The following DPP10 variants were observed in gnomAD, a reference collection of about 807,000 sequenced individuals.
The protein encoded by DPP10 is dipeptidyl peptidase like 10.
Under a neutral mutation model 120.9 loss-of-function variants are expected in DPP10, and 33 were observed. The observed-to-expected ratio is 0.27, with a 90% CI of 0.21 to 0.37. The LOEUF (loss-of-function observed/expected upper bound fraction) is 0.37, where lower values mean the gene tolerates loss of function less well. Among genes scored for constraint, DPP10 ranks in the 10% least tolerant of loss-of-function variants. The pLI, the probability that DPP10 is intolerant of heterozygous loss-of-function variation, is 1.00. For missense variants in DPP10, 816 were observed against 942.8 expected, an observed-to-expected ratio of 0.87 and a Z score of 1.76; for synonymous variants, 337 against 326.1, an observed-to-expected ratio of 1.03 and a Z score of -0.36.
At chr2:114,536,566 C>T (rs935669632) in intron 1 of DPP10, among the ~76,000 whole-genome samples, 2 of 151,910 alleles carry the variant, frequency 1.3e-5, no homozygotes, top group African/African-American at 2.4e-5. Flanking sequence ...CTACCATGCC[C>T]AGCTAATTTT....
At chr2:114,862,755 A>G (rs972420346) in intron 1 of DPP10, among the ~76,000 whole-genome samples, 1 of 152,208 alleles carries the variant, frequency 6.6e-6, no homozygotes, top group African/African-American at 2.4e-5. Flanking sequence ...GAAGCAATGT[A>G]GTAGAAGCAG....
chr2:115,006,893 A>G (rs1292856500), intron 1 of DPP10, among the ~76,000 whole-genome samples: 2 of 152,056 alleles, frequency 1.3e-5, no homozygotes, highest in South Asian at 2.1e-4. Context: ...AGAACTCTCC[A>G]CCCCAAATCA....
intron 1 of DPP10, among the ~76,000 whole-genome samples, chr2:114,989,996 C>CT (rs1193361016): frequency 1.3e-5 from 2 of 152,096 alleles, no homozygotes; most frequent in African/African-American, 2.4e-5. Context: ...TGCCATATAT[C>CT]TTTTATTACA....
At chr2:115,585,455 T>C (rs888269370) in intron 5 of DPP10, among the ~76,000 whole-genome samples, 2 of 152,378 alleles carry the variant, frequency 1.3e-5, no homozygotes, top group African/African-American at 2.4e-5. Context: ...TTGTTGCTAA[T>C]TGCAGTACTT....
intron 1 of DPP10, among the ~76,000 whole-genome samples, chr2:115,193,136 C>G (rs1020038631): frequency 1.3e-5 from 2 of 152,140 alleles, no homozygotes; most frequent in Admixed American, 1.3e-4. Flanking sequence ...TTAAATTATA[C>G]AACATTTCTT....
At chr2:115,093,782 C>T (rs1709484529) in intron 1 of DPP10, among the ~76,000 whole-genome samples, 1 of 151,922 alleles carries the variant, frequency 6.6e-6, no homozygotes, top group South Asian at 2.1e-4. Flanking sequence ...GATAAAATGT[C>T]AACTAGTATT....
At chr2:114,572,053 ATATTG>A (rs1689700714) in intron 1 of DPP10, among the ~76,000 whole-genome samples, 2 of 150,868 alleles carry the variant, frequency 1.3e-5, no homozygotes, top group African/African-American at 2.4e-5. Context: ...TACAGTATAC[ATATTG>A]TATTATATTA....
intron 1 of DPP10, among the ~76,000 whole-genome samples, chr2:114,454,739 C>G (rs754846483): frequency 1.1e-4 from 16 of 152,064 alleles, no homozygotes; most frequent in Non-Finnish European, 1.9e-4. Flanking sequence ...AGGAAGACGA[C>G]TTGCTTTGTC....
At position 115,747,594 on chromosome 2, in the gene DPP10, C is replaced by CTTTT. The variant is rs3980905; in HGVS notation, c.950+1422_950+1425dup. ...CTCTCTCAGGGCTGAATCCCCTTGTCTTTTTTTTTTTTTTCTTGAGATGGA... is the reference window on the plus strand; with the variant it reads ...CTCTCTCAGGGCTGAATCCCCTTGTCTTTTTTTTTTTTTTTTTTCTTGAGATGGA... On this transcript the variant is annotated intron_variant, in intron 10 of 25. Transcript: ENST00000410059. Among the ~76,000 whole-genome samples, 243 of 141,208 alleles carry CTTTT rather than the reference C, an allele frequency of 1.7e-3. 13 individuals are homozygous for CTTTT. Among genetic ancestry groups the CTTTT allele is most frequent in the Middle Eastern group, 7.5e-3 (2 of 268 alleles). 92.6% of individuals were successfully genotyped at this position (141,208 alleles called of 152,430 possible).
At chr2:115,660,576 AG>A (rs1208001024) in intron 5 of DPP10, among the ~76,000 whole-genome samples, 1 of 149,930 alleles carries the variant, frequency 6.7e-6, no homozygotes, top group Non-Finnish European at 1.5e-5. Flanking sequence ...AAAATCCAAT[AG>A]CCCATTAAAA....
At chr2:115,539,754 T>C (rs2079069325) in intron 5 of DPP10, among the ~76,000 whole-genome samples, 1 of 151,532 alleles carries the variant, frequency 6.6e-6, no homozygotes, top group African/African-American at 2.4e-5. Flanking sequence ...GTATCAAATA[T>C]GGAATAACTT....
chr2:115,158,807 C>G (rs1379948544), intron 1 of DPP10, among the ~76,000 whole-genome samples: 3 of 151,944 alleles, frequency 2.0e-5, no homozygotes. Flanking sequence ...TTTTAAAAAA[C>G]TCTCTTTAAA....
chr2:115,244,789 ATG>A (rs199538711), intron 1 of DPP10, among the ~76,000 whole-genome samples: 104 of 150,576 alleles, frequency 6.9e-4, no homozygotes, highest in Middle Eastern at 3.4e-3. Flanking sequence ...CTATATATAT[ATG>A]TGTGTGTGTG....
Position 115,842,435 on chromosome 2 carries a change from C to G in DPP10, c.*90C>G. The G allele has an allele frequency of 6.8e-7, 1 of 1,466,346 alleles. No individual in the cohort carries two copies. Among genetic ancestry groups the G allele is most frequent in the Non-Finnish European group, 9.2e-7 (1 of 1,089,856 alleles). The allele number at this position is 1,466,346 out of a possible 1,614,324, so 90.8% of individuals were successfully genotyped here. A position where few individuals can be genotyped will look rare whatever the true frequency, so the allele number is the denominator to read the frequency against. On this transcript the variant is annotated 3_prime_UTR_variant, in exon 26 of 26. Coordinates refer to ENST00000410059, the MANE Select transcript of DPP10 (RefSeq NM_020868.6). ...TAATATTGTAGTTGCTCCAGAATGT[C>G]AAGGGCAGCTTACGGAGATGTCACT...
At chr2:115,672,666 T>C (rs1163429609) in intron 5 of DPP10, among the ~76,000 whole-genome samples, 4 of 130,040 alleles carry the variant, frequency 3.1e-5, no homozygotes, top group African/African-American at 9.6e-5. Context: ...CTTTCTTTCT[T>C]TCTCTCTTTC....
At chr2:115,583,066 T>A (rs932066947) in intron 5 of DPP10, among the ~76,000 whole-genome samples, 3 of 152,238 alleles carry the variant, frequency 2.0e-5, no homozygotes, top group African/African-American at 7.2e-5. Flanking sequence ...AGAAGAGGAA[T>A]TTAAATCCAA....
chr2:115,114,494 A>G (rs1467186505), intron 1 of DPP10, among the ~76,000 whole-genome samples: 1 of 152,178 alleles, frequency 6.6e-6, no homozygotes, highest in Non-Finnish European at 1.5e-5. Context: ...TCATTTATCA[A>G]TTAGCACCCA....
chr2:115,827,566 G>C (rs1040094183), intron 21 of DPP10, among the ~76,000 whole-genome samples: 3 of 150,156 alleles, frequency 2.0e-5, no homozygotes, highest in African/African-American at 7.3e-5. Flanking sequence ...GCATTTAAAA[G>C]TCAGTTATTT....
chr2:115,049,033 T>G (rs570464856), intron 1 of DPP10, among the ~76,000 whole-genome samples: 1 of 152,240 alleles, frequency 6.6e-6, no homozygotes, highest in South Asian at 2.1e-4. Context: ...TTTTAAAATA[T>G]TTTTAAATGA....
Sources: allele counts gnomAD v4.1 joint callset (sites outside exome capture counted in the v4.1 genomes callset), GRCh38; gene constraint gnomAD v4.1.1; transcripts MANE v1.5; gene names NCBI Gene and HGNC (gene_info 2026-07-23, HGNC 2026-07-21).